Variants in PRIM2 observed in about 807,000 individuals in gnomAD.
PRIM2 encodes DNA primase large subunit.
A neutral mutation model predicts 67.3 loss-of-function variants in PRIM2; 39 were observed. The ratio of observed to expected loss-of-function variants is 0.58; its 90% CI spans 0.45 to 0.76. The LOEUF is 0.76. Ranked by LOEUF, PRIM2 falls within the 30% of genes least tolerant of loss-of-function variation. The probability of loss-of-function intolerance (pLI) is 0.00; values close to 1 mark genes in which losing one functional copy is unlikely to be tolerated. For synonymous variants in PRIM2, 143 were observed against 198.7 expected (o/e 0.72, Z 2.36); for missense variants, 398 against 598.7 (o/e 0.66, Z 3.50).
chr6:57,456,154 C>A (rs866988214), intron 7 of PRIM2, among the ~76,000 whole-genome samples: 4 of 152,104 alleles, frequency 2.6e-5, no homozygotes, highest in Admixed American at 1.3e-4. Flanking sequence ...CCGAGAGATC[C>A]GCTGTTAGTC....
At chr6:57,368,252 C>T (rs1364163137) in intron 5 of PRIM2, among the ~76,000 whole-genome samples, 1 of 151,542 alleles carries the variant, frequency 6.6e-6, no homozygotes, top group African/African-American at 2.4e-5. Context: ...GCTGTTTAGA[C>T]CAGTGATGTA....
At chr6:57,348,752 T>A (rs1477607203) in intron 5 of PRIM2, among the ~76,000 whole-genome samples, 1 of 145,038 alleles carries the variant, frequency 6.9e-6, no homozygotes, top group Non-Finnish European at 1.5e-5. Flanking sequence ...CTGCCCTTTT[T>A]TTTTTTTTTT....
At chr6:57,528,131 T>A (rs1774801593) in intron 8 of PRIM2, among the ~76,000 whole-genome samples, 1 of 71,648 alleles carries the variant, frequency 1.4e-5, no homozygotes, top group South Asian at 3.9e-4. Context: ...ACCCAGCTAA[T>A]TTTTTTTTTT....
intron 13 of PRIM2, among the ~76,000 whole-genome samples, chr6:57,633,150 A>G (rs1400257522): frequency 1.1e-4 from 16 of 152,200 alleles, no homozygotes; most frequent in South Asian, 6.2e-4. Flanking sequence ...ACATTGACAA[A>G]TTGTGAGGCC....
chr6:57,533,530 AGTTGATTT>A (rs1774935741), intron 9 of PRIM2, among the ~76,000 whole-genome samples: 1 of 152,204 alleles, frequency 6.6e-6, no homozygotes, highest in Non-Finnish European at 1.5e-5. Context: ...TACTTTACAC[AGTTGATTT>A]GTTGATTTGA....
chr6:57,299,211 C>T, the PRIM2 span, among the ~76,000 whole-genome samples: 1 of 151,936 alleles, frequency 6.6e-6, no homozygotes, highest in Non-Finnish European at 1.5e-5. Flanking sequence ...TGTGTATTAT[C>T]TCGATGAGTG....
At chr6:57,243,644 A>T in the PRIM2 span, among the ~76,000 whole-genome samples, 7 of 151,434 alleles carry the variant, frequency 4.6e-5, no homozygotes, top group Non-Finnish European at 1.0e-4. Flanking sequence ...TCTTTTTTTT[A>T]TTTTTATTTT....
chr6:57,531,202 G>A (rs1392967676), intron 8 of PRIM2, among the ~76,000 whole-genome samples: 2 of 152,162 alleles, frequency 1.3e-5, no homozygotes, highest in East Asian at 1.9e-4. Flanking sequence ...GCCTAGGCTC[G>A]AATGCTCAGG....
chr6:57,482,637 C>G (rs1351745841), intron 7 of PRIM2, among the ~76,000 whole-genome samples: 1 of 151,998 alleles, frequency 6.6e-6, no homozygotes, highest in Non-Finnish European at 1.5e-5. Flanking sequence ...AAAGAGGAAC[C>G]AGTAGTACCG....
chr6:57,433,477 A>T (rs1427790360), intron 7 of PRIM2, among the ~76,000 whole-genome samples: 6 of 146,462 alleles, frequency 4.1e-5, no homozygotes, highest in African/African-American at 1.5e-4. Context: ...GAACACTTTT[A>T]AAAAAATCAA....
intron 7 of PRIM2, among the ~76,000 whole-genome samples, chr6:57,454,725 C>A (rs1345706045): frequency 6.6e-6 from 1 of 151,990 alleles, no homozygotes; most frequent in Non-Finnish European, 1.5e-5. Flanking sequence ...TTGATCTTTT[C>A]AAAAAACCAG....
chr6:57,282,103 G>A, the PRIM2 span, among the ~76,000 whole-genome samples: 254 of 152,216 alleles, frequency 1.7e-3, no homozygotes, highest in African/African-American at 5.8e-3. Context: ...CATCCAATGT[G>A]ACCTCGTCTT....
the PRIM2 span, among the ~76,000 whole-genome samples, chr6:57,295,409 A>T: frequency 2.6e-5 from 4 of 152,156 alleles, no homozygotes; most frequent in African/African-American, 9.7e-5. Flanking sequence ...GTAGCAAACC[A>T]CTGGTTTATT....
intron 10 of PRIM2, among the ~76,000 whole-genome samples, chr6:57,583,481 C>G (rs1776135592): frequency 6.6e-6 from 1 of 151,514 alleles, no homozygotes; most frequent in Non-Finnish European, 1.5e-5. Context: ...CAATTTCATC[C>G]ATGTCCCCAT....
chr6:57,400,095 A>G (rs1274626244), intron 7 of PRIM2, among the ~76,000 whole-genome samples: 1 of 152,292 alleles, frequency 6.6e-6, no homozygotes, highest in Non-Finnish European at 1.5e-5. Context: ...CATGTAGTCC[A>G]TTTACATTAA....
the PRIM2 span, among the ~76,000 whole-genome samples, chr6:57,255,064 C>T: frequency 7.9e-5 from 12 of 152,248 alleles, no homozygotes; most frequent in African/African-American, 1.7e-4. Flanking sequence ...TATTGGGCTG[C>T]GAGAATAGGC....
chr6:57,531,989 A>G (rs1484035275), intron 8 of PRIM2, among the ~76,000 whole-genome samples: 2 of 152,252 alleles, frequency 1.3e-5, no homozygotes, highest in Non-Finnish European at 2.9e-5. Context: ...CCATTAGTCA[A>G]TAAGGCACCT....
chr6:57,644,844 G>A (rs1291969165), intron 13 of PRIM2, among the ~76,000 whole-genome samples: 5 of 152,184 alleles, frequency 3.3e-5, no homozygotes, highest in African/African-American at 1.2e-4. Context: ...TGCAGAAGGC[G>A]AGAAGGCAGG....
At chr6:57,467,868 G>C (rs1240539974) in intron 7 of PRIM2, among the ~76,000 whole-genome samples, 1 of 152,000 alleles carries the variant, frequency 6.6e-6, no homozygotes, top group Non-Finnish European at 1.5e-5. Flanking sequence ...TGTATTCCTA[G>C]GTATTTAATT....
Sources: allele counts gnomAD v4.1 joint callset (sites outside exome capture counted in the v4.1 genomes callset), GRCh38; gene constraint gnomAD v4.1.1; transcripts MANE v1.5; gene names NCBI Gene and HGNC (gene_info 2026-07-23, HGNC 2026-07-21).